The following FCGR2B variants were observed in gnomAD, a reference collection of about 807,000 sequenced individuals.
FCGR2B encodes the protein low affinity immunoglobulin gamma Fc region receptor II-b.
In FCGR2B, 18 loss-of-function variants were observed where a neutral mutation model predicts 24.8. That is an observed-to-expected ratio of 0.73 (90% confidence interval 0.50 to 1.08). The LOEUF is 1.08. FCGR2B is among the 50% of genes least tolerant of loss of function. FCGR2B has a pLI of 0.00. For missense variants in FCGR2B, 215 were observed against 297.6 expected (o/e 0.72, Z 2.04); for synonymous variants, 79 against 109.8 (o/e 0.72, Z 1.75).
the FCGR2B span, among the ~76,000 whole-genome samples, chr1:161,647,271 G>A: frequency 6.8e-6 from 1 of 147,806 alleles, no homozygotes; most frequent in African/African-American, 2.5e-5. Flanking sequence ...GGTAAGTGCA[G>A]CCCCGGGTTC....
chr1:161,670,997 T>C (rs7512086), intron 2 of FCGR2B, among the ~76,000 whole-genome samples: 16,439 of 145,464 alleles, frequency 0.11, 1,309 homozygotes, highest in Non-Finnish European at 0.16. Context: ...CACTAGTGTC[T>C]AAATGCCTTT....
chr1:161,649,439 C>A, the FCGR2B span, among the ~76,000 whole-genome samples: 3 of 151,056 alleles, frequency 2.0e-5, no homozygotes, highest in Non-Finnish European at 4.4e-5. Flanking sequence ...CACCATGATA[C>A]AACTCTACCC....
intron 1 of FCGR2B, among the ~76,000 whole-genome samples, chr1:161,667,451 G>A (rs1334354442): frequency 8.6e-6 from 1 of 116,842 alleles, no homozygotes; most frequent in Admixed American, 8.9e-5. Flanking sequence ...TCAATAACAC[G>A]CAGCTGAGCA....
rs760400031 is a variant in FCGR2B, at chr1:161,677,541, G to A, written c.921G>A (p.Gln307=). The change falls in exon 8 of 8, where the codon CAG becomes CAA. Residue 307 remains glutamine, a synonymous_variant. Transcript: ENST00000358671. ...ATGCTCTGGAAGAGCCTGATGACCA[G>A]AACCGTATTTAGTCTCCATTGTCTT... ...HPDALEEPDD[Q]NRI is the part of the protein sequence containing the mutation. 6.2e-7 allele frequency: 1 copy of A among 1,611,966 alleles called. No homozygotes were observed. The highest frequency in any genetic ancestry group is 2.2e-5 in the East Asian group (1 of 44,876).
At chr1:161,677,079 A>C in intron 6 of FCGR2B, 1 of 527,518 alleles carries the variant, frequency 1.9e-6, no homozygotes, top group Non-Finnish European at 3.3e-6. Flanking sequence ...CAATTCCCTG[A>C]AAAGAATGCA....
In FCGR2B at chr1:161,673,097, A is replaced by C. The variant is rs367847360; in HGVS notation, c.514A>C (p.Lys172Gln). ...CACATTCTTCCAGAATGGAAAATCC[A>C]AGAAATTTTCCCGTTCGGATCCCAA... ...KVTFFQNGKS[K>Q]KFSRSDPNFS... The change falls in exon 4 of 8, where the codon AAG (lysine) becomes CAG (glutamine). Residue 172 changes from lysine to glutamine, a missense_variant. Lys to Gln is a moderately conservative substitution (Grantham distance 53, BLOSUM62 1). Transcript: ENST00000358671. The C allele has an allele frequency of 3.1e-5, 50 of 1,612,100 alleles. No individual in the cohort carries two copies. The highest frequency in any genetic ancestry group is 4.0e-5 in the Non-Finnish European group (47 of 1,178,810).
In FCGR2B at chr1:161,673,061, C is replaced by T. The variant is rs1248647150; in HGVS notation, c.478C>T (p.Leu160=). 2 of 1,612,822 alleles carry T rather than the reference C, an allele frequency of 1.2e-6. No homozygotes were observed. The highest frequency in any genetic ancestry group is 1.7e-6 in the Non-Finnish European group (2 of 1,179,458). The change falls in exon 4 of 8, where the codon CTG becomes TTG. Residue 160 remains leucine, a synonymous_variant. Coordinates refer to ENST00000358671, the MANE Select transcript of FCGR2B (RefSeq NM_001394477.1). ...LRCHSWKDKP[L]VKVTFFQNGK... is the part of the protein sequence containing the mutation. The stretch of plus-strand genomic sequence containing the variant: ...GTGCCACAGCTGGAAGGACAAGCCT[C>T]TGGTCAAGGTCACATTCTTCCAGAA...
intron 6 of FCGR2B, chr1:161,676,186 T>A: frequency 4.4e-6 from 1 of 226,782 alleles, no homozygotes; most frequent in Non-Finnish European, 8.8e-6. Flanking sequence ...GGGGCTTCCA[T>A]GACAGTAAGA....
chr1:161,673,000 C>T lies in FCGR2B; in HGVS notation c.417C>T (p.His139=). 6.2e-7 allele frequency: 1 copy of T among 1,613,104 alleles called. No homozygotes were observed. The highest frequency in any genetic ancestry group is 8.5e-7 in the Non-Finnish European group (1 of 1,179,566). The change falls in exon 4 of 8, where the codon CAC becomes CAT. Residue 139 remains histidine (H), a synonymous_variant. Transcript: ENST00000358671. ...AGTGGCTGGTGCTCCAGACCCCTCA[C>T]CTGGAGTTCCAGGAGGGAGAAACCA... ...LSEWLVLQTP[H]LEFQEGETIV... is the part of the protein sequence containing the mutation.
At chr1:161,647,543 C>T in the FCGR2B span, among the ~76,000 whole-genome samples, 1 of 150,190 alleles carries the variant, frequency 6.7e-6, no homozygotes, top group Non-Finnish European at 1.5e-5. Flanking sequence ...TCAGGTGATT[C>T]CCCCCACCGC....
chr1:161,676,900 C>T (rs1389349167), intron 6 of FCGR2B: 3 of 197,066 alleles, frequency 1.5e-5, no homozygotes, highest in East Asian at 1.6e-4. Flanking sequence ...AACAAAGATG[C>T]ACTACATTTA....
At chr1:161,648,416 C>T in the FCGR2B span, among the ~76,000 whole-genome samples, 2 of 146,656 alleles carry the variant, frequency 1.4e-5, no homozygotes, top group Admixed American at 6.9e-5. Flanking sequence ...CTTTAGCCAC[C>T]CAGGTGGGTA....
chr1:161,671,351 G>C (rs756179470), intron 2 of FCGR2B, 41 bp from the exon 3 acceptor site: 1 of 1,614,068 alleles, frequency 6.2e-7, no homozygotes, highest in East Asian at 2.2e-5. Flanking sequence ...AAGCTCCTGG[G>C]CTTCCTCTTC....
At chr1:161,647,792 A>G in the FCGR2B span, among the ~76,000 whole-genome samples, 1 of 151,060 alleles carries the variant, frequency 6.6e-6, no homozygotes, top group African/African-American at 2.4e-5. Context: ...TTCTAAGCCC[A>G]GAAGAAATAA....
At position 161,674,468 on chromosome 1, in the gene FCGR2B, G is replaced by C. The variant is rs75409195; in HGVS notation, c.760+395G>C. On this transcript the variant is annotated intron_variant, in intron 5 of 7. Transcript: ENST00000358671. ...AGGCAGTTGGAGAAGGTCTTGGGGA[G>C]AGCAGTGTAGTGTAGTGATGGAGTG... is the stretch of plus-strand genomic sequence containing the variant. 0.016 allele frequency: 5,731 copies of C among 360,730 alleles called. 394 individuals are homozygous for C. In the East Asian group the frequency reaches 0.2, roughly 13 times the overall value. 22.3% of individuals were successfully genotyped at this position (360,730 alleles called of 1,614,324 possible). A position where few individuals can be genotyped will look rare whatever the true frequency, so the allele number is the denominator to read the frequency against.
the FCGR2B span, among the ~76,000 whole-genome samples, chr1:161,648,244 G>C: frequency 6.8e-6 from 1 of 147,132 alleles, no homozygotes; most frequent in Non-Finnish European, 1.5e-5. Context: ...GTGCCATCCC[G>C]AAGTGTTTGA....
In FCGR2B at chr1:161,673,197, A is replaced by T. The variant is rs1050499; in HGVS notation, c.614A>T (p.Tyr205Phe). 2.0e-3 allele frequency: 3,160 copies of T among 1,604,836 alleles called. 17 individuals are homozygous for T. Among genetic ancestry groups the T allele is most frequent in the East Asian group, 0.011 (480 of 44,612 alleles). Reference sequence around the variant, plus strand: ...ACAGGAAACATAGGCTACACGCTGTACTCATCCAAGCCTGTGACCATCACT... The same window carrying T: ...ACAGGAAACATAGGCTACACGCTGTTCTCATCCAAGCCTGTGACCATCACT... Reference protein sequence around the residue: ...HCTGNIGYTLYSSKPVTITVQ... With the variant: ...HCTGNIGYTLFSSKPVTITVQ... Residue 205 changes from tyrosine to phenylalanine, a missense_variant, in exon 4 of 8, where the codon TAC becomes TTC. Coordinates refer to ENST00000358671, the MANE Select transcript of FCGR2B (RefSeq NM_001394477.1).
chr1:161,650,783 T>C, the FCGR2B span, among the ~76,000 whole-genome samples: 1 of 114,554 alleles, frequency 8.7e-6, no homozygotes. Context: ...ACATACTTTG[T>C]TTAATTTTAT....
chr1:161,671,679 T>C (rs1267648837), intron 3 of FCGR2B, 30 bp downstream of exon 3: 1 of 1,611,424 alleles, frequency 6.2e-7, no homozygotes, highest in Non-Finnish European at 8.5e-7. Context: ...AGGGTGGACC[T>C]GGGAGGGCCA....
Sources: gnomAD v4.1 joint callset for allele counts (sites outside exome capture counted in the v4.1 genomes callset) on GRCh38, gnomAD v4.1.1 for gene constraint, MANE v1.5 for transcripts, NCBI Gene and HGNC (gene_info 2026-07-23, HGNC 2026-07-21) for gene names.